DPYD: variants seen among roughly 807,000 people sequenced by gnomAD.
DPYD encodes dihydropyrimidine dehydrogenase [NADP(+)].
DPYD carries 109 observed loss-of-function variants against 116.2 expected under a neutral mutation model. The ratio of observed to expected loss-of-function variants is 0.94; its 90% CI spans 0.80 to 1.10. The LOEUF is 1.10. DPYD is among the 50% of genes least tolerant of loss of function. The pLI, the probability that DPYD is intolerant of heterozygous loss-of-function variation, is 0.00. For synonymous variants in DPYD, 440 were observed against 432.0 expected (o/e 1.02, Z -0.23); for missense variants, 1,302 against 1,254.5 (o/e 1.04, Z -0.57).
At chr1:97,744,283 G>A (rs1363050406) in intron 3 of DPYD, among the ~76,000 whole-genome samples, 1 of 151,962 alleles carries the variant, frequency 6.6e-6, no homozygotes, top group Admixed American at 6.6e-5. Flanking sequence ...ATATTATAGT[G>A]AGTAATGAAA....
At chr1:97,862,483 CT>C (rs891784198) in intron 2 of DPYD, among the ~76,000 whole-genome samples, 4 of 151,838 alleles carry the variant, frequency 2.6e-5, no homozygotes, top group African/African-American at 9.7e-5. Flanking sequence ...AAAGATACCT[CT>C]TTGGAGACTA....
chr1:97,562,306 AG>A (rs1284004593), intron 11 of DPYD, among the ~76,000 whole-genome samples: 1 of 152,198 alleles, frequency 6.6e-6, no homozygotes, highest in Non-Finnish European at 1.5e-5. Flanking sequence ...ATGCAAATAC[AG>A]GGAGAAACAC....
At chr1:97,547,173 G>A (rs1352191881) in intron 12 of DPYD, among the ~76,000 whole-genome samples, 1 of 152,014 alleles carries the variant, frequency 6.6e-6, no homozygotes, top group African/African-American at 2.4e-5. Context: ...TTTCAAGTAT[G>A]GGATGGTGCA....
chr1:97,385,286 A>C (rs1672264769), intron 14 of DPYD, among the ~76,000 whole-genome samples: 1 of 26,854 alleles, frequency 3.7e-5, no homozygotes, highest in African/African-American at 9.7e-5. Context: ...CTTGCAAAAA[A>C]AAAAAAAAAA....
intron 14 of DPYD, among the ~76,000 whole-genome samples, chr1:97,436,526 A>T (rs1236709914): frequency 6.6e-6 from 1 of 151,964 alleles, no homozygotes; most frequent in African/African-American, 2.4e-5. Context: ...ATGTGGAAAG[A>T]CAATATTCTC....
intron 11 of DPYD, among the ~76,000 whole-genome samples, chr1:97,552,505 G>A (rs1240487023): frequency 2.0e-5 from 3 of 151,934 alleles, no homozygotes; most frequent in African/African-American, 4.8e-5. Context: ...ATTTATTTGT[G>A]AATTCAAAAG....
At chr1:97,562,601 T>C (rs1192471344) in intron 11 of DPYD, among the ~76,000 whole-genome samples, 12 of 152,188 alleles carry the variant, frequency 7.9e-5, no homozygotes, top group Non-Finnish European at 1.2e-4. Flanking sequence ...AATACTGGTT[T>C]CCTCCTCCAA....
At chr1:97,311,525 C>G (rs1487217146) in intron 16 of DPYD, among the ~76,000 whole-genome samples, 1 of 151,628 alleles carries the variant, frequency 6.6e-6, no homozygotes, top group African/African-American at 2.4e-5. Flanking sequence ...GGGGGAAAGT[C>G]AATACACCCT....
chr1:97,794,223 C>A (rs1250304877), intron 3 of DPYD, among the ~76,000 whole-genome samples: 1 of 152,156 alleles, frequency 6.6e-6, no homozygotes, highest in Non-Finnish European at 1.5e-5. Flanking sequence ...CAGGCATAAG[C>A]CACCAGGCAA....
intron 20 of DPYD, among the ~76,000 whole-genome samples, chr1:97,124,882 C>G (rs989608052): frequency 1.3e-5 from 2 of 152,076 alleles, no homozygotes; most frequent in South Asian, 4.1e-4. Flanking sequence ...CATAAATATT[C>G]TCTAAAAACC....
At position 97,513,453 on chromosome 1, in the gene DPYD, C is replaced by T. The variant is rs201239378; in HGVS notation, c.1740+2273G>A. On this transcript the variant is annotated intron_variant, in intron 13 of 22. Coordinates refer to ENST00000370192, the MANE Select transcript of DPYD (RefSeq NM_000110.4). ...TATGCAAGCTTGGCAAATTGTACTT[C>T]ATCAAAATTGTATTGTGAAATATTA... Among the ~76,000 whole-genome samples, 374 of 151,754 alleles carry T rather than the reference C, an allele frequency of 2.5e-3. 3 individuals carry two copies. Among genetic ancestry groups the T allele is most frequent in the African/African-American group, 8.7e-3 (360 of 41,444 alleles).
chr1:97,510,711 A>C (rs1349396617), intron 13 of DPYD, among the ~76,000 whole-genome samples: 2 of 151,968 alleles, frequency 1.3e-5, no homozygotes, highest in Admixed American at 6.6e-5. Context: ...TTTTATCAAT[A>C]AGTGGATGGT....
intron 10 of DPYD, among the ~76,000 whole-genome samples, chr1:97,578,216 T>C (rs1653402036): frequency 6.6e-6 from 1 of 152,188 alleles, no homozygotes; most frequent in African/African-American, 2.4e-5. Flanking sequence ...AGTATTCTTT[T>C]AAGTGCTTTA....
rs147331691 is a variant in DPYD, at chr1:97,693,562, A to T, written c.681-1764T>A. On this transcript the variant is annotated intron_variant, in intron 6 of 22. Transcript: ENST00000370192. ...AAGTCTAAGTAGAAAGATTCTTAAC[A>T]ACTATGGACTGTATGTGGACACAAA... is the stretch of plus-strand genomic sequence containing the variant. 3.3e-5 allele frequency among the ~76,000 whole-genome samples: 5 copies of T among 152,282 alleles called. No homozygotes were observed. The East Asian group carries it at 9.7e-4, about 29-fold the overall frequency.
rs115784638 is a variant in DPYD, at chr1:97,788,572, T to C, written c.233+39542A>G. 6.6e-3 allele frequency among the ~76,000 whole-genome samples: 1,000 copies of C among 152,222 alleles called. 15 individuals carry two copies. The highest frequency in any genetic ancestry group is 0.023 in the African/African-American group (941 of 41,538). On this transcript the variant is annotated intron_variant, in intron 3 of 22. Coordinates refer to ENST00000370192, the MANE Select transcript of DPYD (RefSeq NM_000110.4). ...GCCAATTGACACAATTGCAAAAAAT[T>C]ATAAGTTGTTATTGCATTAGGCCAT...
At chr1:97,628,976 G>T (rs1392373900) in intron 8 of DPYD, among the ~76,000 whole-genome samples, 3 of 152,128 alleles carry the variant, frequency 2.0e-5, no homozygotes, top group East Asian at 1.9e-4. Flanking sequence ...TCATAATGAT[G>T]GGGCTTTAGG....
At chr1:97,411,755 C>A (rs2101668748) in intron 14 of DPYD, among the ~76,000 whole-genome samples, 2 of 152,208 alleles carry the variant, frequency 1.3e-5, no homozygotes, top group East Asian at 3.9e-4. Flanking sequence ...AGAAGCATGA[C>A]AAAGTGATTT....
At chr1:97,840,601 G>A (rs1353215854) in intron 2 of DPYD, among the ~76,000 whole-genome samples, 1 of 151,876 alleles carries the variant, frequency 6.6e-6, no homozygotes, top group Non-Finnish European at 1.5e-5. Context: ...ACATCAGTAG[G>A]GTAAGTTTTT....
intron 19 of DPYD, among the ~76,000 whole-genome samples, chr1:97,194,312 G>T (rs1015422612): frequency 6.6e-6 from 1 of 152,000 alleles, no homozygotes; most frequent in African/African-American, 2.4e-5. Flanking sequence ...CACACAATCT[G>T]ATGGTTTTAT....
Sources: gnomAD v4.1 joint callset for allele counts (sites outside exome capture counted in the v4.1 genomes callset) on GRCh38, gnomAD v4.1.1 for gene constraint, MANE v1.5 for transcripts, NCBI Gene and HGNC (gene_info 2026-07-23, HGNC 2026-07-21) for gene names.